The following IL26 variants were observed in gnomAD, a reference collection of about 807,000 sequenced individuals.
IL26 encodes interleukin-26.
In IL26, 23 loss-of-function variants were observed where a neutral mutation model predicts 21.7. The observed-to-expected ratio is 1.06, with a 90% CI of 0.76 to 1.50. The LOEUF (loss-of-function observed/expected upper bound fraction) is 1.50. IL26 is among the 40% of genes most tolerant of loss of function. The probability of loss-of-function intolerance (pLI) is 0.00; values close to 1 mark genes in which losing one functional copy is unlikely to be tolerated. For missense variants in IL26, 204 were observed against 196.0 expected, an observed-to-expected ratio of 1.04 and a Z score of -0.24; for synonymous variants, 63 against 67.8, an observed-to-expected ratio of 0.93 and a Z score of 0.34.
intron 3 of IL26, among the ~76,000 whole-genome samples, chr12:68,223,793 T>C (rs1439700934): frequency 1.3e-5 from 2 of 151,712 alleles, no homozygotes; most frequent in East Asian, 1.9e-4. Context: ...TAATAAAATA[T>C]GAGAGTTTAT....
At chr12:68,209,810 G>A (rs916368701) in intron 3 of IL26, among the ~76,000 whole-genome samples, 1 of 152,088 alleles carries the variant, frequency 6.6e-6, no homozygotes, top group Non-Finnish European at 1.5e-5. Context: ...CATGTGTCAC[G>A]GTTCCTCAGA....
intron 3 of IL26, among the ~76,000 whole-genome samples, chr12:68,215,696 C>G (rs985577656): frequency 6.6e-6 from 1 of 152,044 alleles, no homozygotes; most frequent in African/African-American, 2.4e-5. Context: ...GAGACAGAAT[C>G]TCCCTCTGTT....
chr12:68,213,636 A>T (rs1319160684), intron 3 of IL26, among the ~76,000 whole-genome samples: 1 of 152,012 alleles, frequency 6.6e-6, no homozygotes, highest in Non-Finnish European at 1.5e-5. Context: ...CATTTCTTCT[A>T]AGTTTTCCAA....
chr12:68,204,281 A>C (rs1346198569), intron 3 of IL26, among the ~76,000 whole-genome samples: 2 of 151,546 alleles, frequency 1.3e-5, no homozygotes, highest in Non-Finnish European at 2.9e-5. Flanking sequence ...ACAGCTGGGA[A>C]TACAGGCGCC....
At position 68,225,272 on chromosome 12, in the gene IL26, T is replaced by A; in HGVS notation, c.240A>T (p.Gln80His). Reference protein sequence around the residue: ...KTKKQFMKNCQFQEQLLSFFM... With the variant: ...KTKKQFMKNCHFQEQLLSFFM... ...AGAAGGACAGAAGCTGTTCTTGAAA[T>A]TGACAGTTTTTCTAAAAATAAGATA... The change falls in exon 3 of 5, where the codon CAA (glutamine) becomes CAT (histidine). Residue 80 changes from glutamine (Q) to histidine (H), a missense_variant. Gln to His is a conservative substitution (Grantham distance 24). Coordinates refer to ENST00000229134, the MANE Select transcript of IL26 (RefSeq NM_018402.2). The A allele has an allele frequency of 1.2e-6, 2 of 1,601,376 alleles. No individual in the cohort carries two copies. Among genetic ancestry groups the A allele is most frequent in the Non-Finnish European group, 1.7e-6 (2 of 1,176,056 alleles).
intron 3 of IL26, among the ~76,000 whole-genome samples, chr12:68,203,939 A>T (rs1385881763): frequency 6.6e-6 from 1 of 152,136 alleles, no homozygotes. Context: ...CTGACTTCAG[A>T]ATGCTTTCTA....
rs11570927 is a variant in IL26 at position 68,218,702 on chromosome 12, T to C, written c.363+6447A>G. On this transcript the variant is annotated intron_variant, in intron 3 of 4. Transcript: ENST00000229134. ...GAACAATTTCAAATTTGATGAAAAC[T>C]ATATACTCACAAATACAAGATTCCC... Among the ~76,000 whole-genome samples the C allele has an allele frequency of 9.5e-3, 1,440 of 152,126 alleles. 16 individuals are homozygous for C. Among genetic ancestry groups the C allele is most frequent in the Middle Eastern group, 0.054 (16 of 294 alleles).
chr12:68,210,944 T>A lies in IL26; in HGVS notation c.364-8861A>T, dbSNP rs1868712356. ...GCAATAGAGCTGCACCCCATAATTT[T>A]TTATTGAGACATAATAGATGTAAAT... On this transcript the variant is annotated intron_variant, in intron 3 of 4. Transcript: ENST00000229134. 2.0e-5 allele frequency among the ~76,000 whole-genome samples: 3 copies of A among 152,368 alleles called. No homozygotes were observed. In the South Asian group the frequency reaches 6.2e-4, roughly 32 times the overall value.
chr12:68,215,508 T>C (rs1868850578), intron 3 of IL26, among the ~76,000 whole-genome samples: 1 of 152,194 alleles, frequency 6.6e-6, no homozygotes, highest in Non-Finnish European at 1.5e-5. Context: ...GAAGAAGGGA[T>C]AGTGAAGCCA....
chr12:68,210,338 CAAAAAAAAAAAAAA>C (rs540693081), intron 3 of IL26, among the ~76,000 whole-genome samples: 9 of 22,094 alleles, frequency 4.1e-4, no homozygotes, highest in South Asian at 3.9e-3. Flanking sequence ...ATCAGTTTGG[CAAAAAAAAAAAAAA>C]AAAAAAAAAA....
At chr12:68,221,172 CTAAA>C (rs1359269416) in intron 3 of IL26, among the ~76,000 whole-genome samples, 1 of 152,030 alleles carries the variant, frequency 6.6e-6, no homozygotes, top group African/African-American at 2.4e-5. Context: ...TCAACTAAAA[CTAAA>C]TAAATAAAAG....
At chr12:68,218,800 GTAA>G (rs1868965517) in intron 3 of IL26, among the ~76,000 whole-genome samples, 1 of 151,830 alleles carries the variant, frequency 6.6e-6, no homozygotes. Context: ...CTTAAAACAA[GTAA>G]TAATGAGAAA....
intron 3 of IL26, among the ~76,000 whole-genome samples, chr12:68,216,108 T>C (rs11571019): frequency 6.6e-6 from 1 of 151,576 alleles, no homozygotes; most frequent in South Asian, 2.1e-4. Flanking sequence ...CTGGCCAACA[T>C]GGTGAAACCC....
Position 68,216,988 on chromosome 12 carries a change from T to G in IL26, c.363+8161A>C, listed in dbSNP as rs543502450. ...AATTCTCTTTCAAGTCTGAGAGTAT[T>G]TGAGTTCTGTAAGAATCTCTAAAAT... On this transcript the variant is annotated intron_variant, in intron 3 of 4. Coordinates refer to ENST00000229134, the MANE Select transcript of IL26 (RefSeq NM_018402.2). Among the ~76,000 whole-genome samples, 8 of 152,354 alleles carry G rather than the reference T, an allele frequency of 5.3e-5. No individual in the cohort carries two copies. The South Asian group carries it at 6.2e-4, about 12-fold the overall frequency.
At chr12:68,209,494 T>C (rs2120436015) in intron 3 of IL26, among the ~76,000 whole-genome samples, 1 of 152,304 alleles carries the variant, frequency 6.6e-6, no homozygotes, top group Admixed American at 6.5e-5. Flanking sequence ...CCGACAAGTC[T>C]AGACACATTC....
At chr12:68,215,936 A>C (rs1375072770) in intron 3 of IL26, among the ~76,000 whole-genome samples, 1 of 151,232 alleles carries the variant, frequency 6.6e-6, no homozygotes, top group Admixed American at 6.6e-5. Context: ...TGCCCACCTC[A>C]GCCTCCCAAA....
At chr12:68,206,450 A>T (rs1868545609) in intron 3 of IL26, among the ~76,000 whole-genome samples, 3 of 152,208 alleles carry the variant, frequency 2.0e-5, no homozygotes, top group South Asian at 2.1e-4. Flanking sequence ...TATCAAAAAA[A>T]CGTTAAAAGG....
intron 3 of IL26, among the ~76,000 whole-genome samples, chr12:68,202,859 G>A (rs1868426510): frequency 6.6e-6 from 1 of 152,150 alleles, no homozygotes. Context: ...ACACAAGAGA[G>A]TAATTCAGGC....
intron 3 of IL26, among the ~76,000 whole-genome samples, chr12:68,218,463 C>T (rs1868954205): frequency 6.6e-6 from 1 of 151,920 alleles, no homozygotes; most frequent in South Asian, 2.1e-4. Flanking sequence ...ATGGGACTAA[C>T]AGATAGGCAC....
Sources: gnomAD v4.1 joint callset for allele counts (sites outside exome capture counted in the v4.1 genomes callset) on GRCh38, gnomAD v4.1.1 for gene constraint, MANE v1.5 for transcripts, NCBI Gene and HGNC (gene_info 2026-07-23, HGNC 2026-07-21) for gene names.